CARD9: variants seen among roughly 807,000 people sequenced by gnomAD.
The protein encoded by CARD9 is caspase recruitment domain family member 9.
CARD9 carries 53 observed loss-of-function variants against 66.0 expected under a neutral mutation model. The observed-to-expected ratio is 0.80, with a 90% CI of 0.64 to 1.01. The LOEUF is 1.01. CARD9 is among the 50% of genes least tolerant of loss of function. The pLI, the probability that CARD9 is intolerant of heterozygous loss-of-function variation, is 0.00. For missense variants in CARD9, 769 were observed against 743.2 expected, an observed-to-expected ratio of 1.03 and a Z score of -0.40; for synonymous variants, 387 against 313.8, an observed-to-expected ratio of 1.23 and a Z score of -2.47.
intron 11 of CARD9, chr9:136,364,789 A>T (rs1254284494): frequency 1.7e-6 from 1 of 604,422 alleles, no homozygotes; most frequent in East Asian, 2.8e-5. Flanking sequence ...AGGCCAAGCC[A>T]CGGCTCCAGC....
chr9:136,367,866 C>T (rs1353750105), intron 7 of CARD9, 38 bp from the exon 8 acceptor site: 6 of 1,570,470 alleles, frequency 3.8e-6, no homozygotes, highest in Non-Finnish European at 5.2e-6. Context: ...CAGTGAGGGC[C>T]CCAAGCTTGC....
chr9:136,372,615 G>A (rs1325804197), intron 1 of CARD9, among the ~76,000 whole-genome samples: 1 of 152,224 alleles, frequency 6.6e-6, no homozygotes, highest in Admixed American at 6.5e-5. Context: ...AGCAGCTGGG[G>A]GAGCCGGTTC....
chr9:136,365,585 C>T (rs1833105298), intron 10 of CARD9: 2 of 302,904 alleles, frequency 6.6e-6, no homozygotes, highest in African/African-American at 2.2e-5. Flanking sequence ...CATGGCGGCC[C>T]TGGGGAGAGA....
intron 6 of CARD9, 175 bp downstream of exon 6, chr9:136,370,119 T>TG: frequency 3.5e-6 from 5 of 1,419,652 alleles, no homozygotes; most frequent in South Asian, 1.4e-5. Flanking sequence ...GCCTTTGCCA[T>TG]GGGGGGCAGG....
Position 136,372,067 on chromosome 9 carries a change from G to C in CARD9, c.12C>G (p.Tyr4Ter), listed in dbSNP as rs35051231. MSD[Y>*]ENDDECWSVL... Reference sequence around the variant, plus strand: ...CGCTCCAGCACTCGTCATCGTTCTCGTAGTCCGACATGGCCTCAGCAGGCA... The same window carrying C: ...CGCTCCAGCACTCGTCATCGTTCTCCTAGTCCGACATGGCCTCAGCAGGCA... Residue 4 changes from tyrosine to a stop codon, truncating the protein, a stop_gained, in exon 2 of 13, where the codon TAC becomes TAG. Transcript: ENST00000371732. LOFTEE classifies it high-confidence loss of function. 1 of 1,612,678 alleles carries C rather than the reference G, an allele frequency of 6.2e-7. No individual in the cohort carries two copies. Among genetic ancestry groups the C allele is most frequent in the Non-Finnish European group, 8.5e-7 (1 of 1,179,976 alleles).
rs747130473 is a variant in CARD9 at position 136,369,886 on chromosome 9, C to T, written c.952-11G>A. The T allele has an allele frequency of 5.4e-5, 87 of 1,610,738 alleles. No individual in the cohort carries two copies. Among genetic ancestry groups the T allele is most frequent in the Middle Eastern group, 3.3e-4 (2 of 6,084 alleles). ...CTTCTCCTCCATGCACTGCAGGGGG[C>T]GGCAGCTCAGCCCCCACAGGCCTGA... On this transcript the variant is annotated splice_polypyrimidine_tract_variant and intron_variant, in intron 6 of 12. Coordinates refer to ENST00000371732, the MANE Select transcript of CARD9 (RefSeq NM_052813.5).
At position 136,364,272 on chromosome 9, in the gene CARD9, G is replaced by A; in HGVS notation, c.*30C>T. On this transcript the variant is annotated 3_prime_UTR_variant, in exon 13 of 13. Transcript: ENST00000371732. ...GTGGCAGGAGGCCGGGCCGGTGGGT[G>A]TGCCCTGGTCGGGGCCTGCGCTGCT... 2.6e-6 allele frequency: 4 copies of A among 1,551,420 alleles called. No individual in the cohort carries two copies. The highest frequency in any genetic ancestry group is 3.5e-6 in the Non-Finnish European group (4 of 1,147,228).
intron 8 of CARD9, 21 bp downstream of exon 8, chr9:136,367,616 T>TGCCGCAG (rs1346611858): frequency 2.6e-6 from 4 of 1,557,546 alleles, no homozygotes; most frequent in Non-Finnish European, 3.5e-6. Flanking sequence ...CTCCCCTCCC[T>TGCCGCAG]GCCGCAGGCC....
At chr9:136,368,999 T>C (rs138378802) in intron 7 of CARD9, among the ~76,000 whole-genome samples, 16 of 152,292 alleles carry the variant, frequency 1.1e-4, no homozygotes, top group African/African-American at 3.9e-4. Flanking sequence ...TTTGTGTTTT[T>C]AGTAGAGACG....
chr9:136,365,264 A>G, intron 10 of CARD9, 47 bp from the exon 11 acceptor site: 2 of 1,567,888 alleles, frequency 1.3e-6, no homozygotes, highest in Non-Finnish European at 1.7e-6. Context: ...CTGCTGGGCC[A>G]CGTATAGCAC....
intron 7 of CARD9, among the ~76,000 whole-genome samples, chr9:136,369,109 C>T (rs1054449174): frequency 1.3e-5 from 2 of 152,152 alleles, no homozygotes; most frequent in Non-Finnish European, 2.9e-5. Flanking sequence ...CGTGAGCCAC[C>T]GCGCCAGGCC....
Position 136,369,595 on chromosome 9 carries a change from A to G in CARD9, c.1077+155T>C, listed in dbSNP as rs566883796. On this transcript the variant is annotated intron_variant, in intron 7 of 12. Coordinates refer to ENST00000371732, the MANE Select transcript of CARD9 (RefSeq NM_052813.5). ...TGAGGCCGGAGGATTGCTTGAGGCCAGTAGTTTGAGGCCACCCTGGGTGAC... is the reference window on the plus strand; with the variant it reads ...TGAGGCCGGAGGATTGCTTGAGGCCGGTAGTTTGAGGCCACCCTGGGTGAC... Among the ~76,000 whole-genome samples the G allele has an allele frequency of 2.8e-4, 42 of 152,346 alleles. 1 individual carries two copies. The highest frequency in any genetic ancestry group is 9.6e-4 in the African/African-American group (40 of 41,586).
At chr9:136,364,634 G>GC in intron 11 of CARD9, 75 bp from the exon 12 acceptor site, 3 of 1,427,118 alleles carry the variant, frequency 2.1e-6, no homozygotes, top group East Asian at 2.5e-5. Flanking sequence ...CCCCCCACTG[G>GC]CCCCTGTAAC....
At position 136,370,915 on chromosome 9, in the gene CARD9, G is replaced by A. The variant is rs753025581; in HGVS notation, c.553C>T (p.Leu185=). 6.2e-7 allele frequency: 1 copy of A among 1,612,046 alleles called. No individual in the cohort carries two copies. Among genetic ancestry groups the A allele is most frequent in the African/African-American group, 1.3e-5 (1 of 75,062 alleles). ...CTCTGGTGCGCCAGGCGCATGGCCA[G>A]GTCGTAGTTCTCCTCCTTGCAGCGC... ...LKRCKEENYD[L]AMRLAHQSEE... Residue 185 remains leucine, a synonymous_variant, in exon 4 of 13, where the codon CTG becomes TTG. Transcript: ENST00000371732.
In CARD9 at chr9:136,371,309, TC is replaced by T; in HGVS notation, c.322+14del. On this transcript the variant is annotated intron_variant, in intron 3 of 12. Transcript: ENST00000371732. The stretch of plus-strand genomic sequence containing the variant: ...CAGCGCCTCCCCTGTCGGCCCCGCC[TC>T]CCCCGTCACTCACCGATGATCATGG... The T allele has an allele frequency of 6.3e-7, 1 of 1,598,096 alleles. No individual in the cohort carries two copies. The highest frequency in any genetic ancestry group is 8.5e-7 in the Non-Finnish European group (1 of 1,172,938).
At chr9:136,367,935 G>T (rs758169075) in intron 7 of CARD9, 107 bp from the exon 8 acceptor site, 3 of 1,455,682 alleles carry the variant, frequency 2.1e-6, no homozygotes, top group African/African-American at 2.8e-5. Context: ...ACGTCAAGCC[G>T]CTGGGCGCGG....
chr9:136,366,979 G>T, intron 9 of CARD9, 134 bp from the exon 10 acceptor site: 1 of 1,153,572 alleles, frequency 8.7e-7, no homozygotes, highest in Non-Finnish European at 1.3e-6. Flanking sequence ...GCTTCTCAGA[G>T]ACTCAGGTGC....
chr9:136,370,799 C>G (rs1351435215), intron 4 of CARD9, 42 bp downstream of exon 4: 2 of 1,599,148 alleles, frequency 1.3e-6, no homozygotes, highest in Middle Eastern at 3.3e-4. Flanking sequence ...CCCCGCCAGG[C>G]CAGGCGAGGG....
intron 8 of CARD9, 50 bp from the exon 9 acceptor site, chr9:136,367,307 C>T: frequency 6.3e-7 from 1 of 1,596,912 alleles, no homozygotes; most frequent in Non-Finnish European, 8.6e-7. Flanking sequence ...AGAGGGCTCC[C>T]CAGGCACAGG....
Sources: allele counts gnomAD v4.1 joint callset (sites outside exome capture counted in the v4.1 genomes callset), GRCh38; gene constraint gnomAD v4.1.1; transcripts MANE v1.5; gene names NCBI Gene and HGNC (gene_info 2026-07-23, HGNC 2026-07-21).